Variants in STAG1 observed in about 807,000 individuals in gnomAD.
The protein encoded by STAG1 is cohesin subunit SA-1.
Under a neutral mutation model 170.9 loss-of-function variants are expected in STAG1, and 26 were observed. The ratio of observed to expected loss-of-function variants is 0.15; its 90% CI spans 0.11 to 0.21. The LOEUF is 0.21. STAG1 is among the 10% of genes least tolerant of loss of function. The pLI is 1.00. For synonymous variants in STAG1, 514 were observed against 497.7 expected (o/e 1.03, Z -0.44); for missense variants, 964 against 1,509.5 (o/e 0.64, Z 5.99).
At chr3:136,462,168 T>C (rs1205942526) in intron 13 of STAG1, among the ~76,000 whole-genome samples, 1 of 152,076 alleles carries the variant, frequency 6.6e-6, no homozygotes, top group Non-Finnish European at 1.5e-5. Context: ...ATATCTACCA[T>C]ATGATCAAGC....
chr3:136,685,004 G>C (rs1942465217), intron 1 of STAG1, among the ~76,000 whole-genome samples: 1 of 151,982 alleles, frequency 6.6e-6, no homozygotes, highest in African/African-American at 2.4e-5. Flanking sequence ...TAATCAAAAA[G>C]TTGGACTTCG....
chr3:136,427,060 TAAAAAAA>T (rs1053830833), intron 16 of STAG1, among the ~76,000 whole-genome samples: 22 of 119,920 alleles, frequency 1.8e-4, no homozygotes, highest in African/African-American at 6.0e-4. Context: ...ACTCGTCTCT[TAAAAAAA>T]AAAAAAAAAA....
chr3:136,606,986 G>A (rs903672822), intron 3 of STAG1, among the ~76,000 whole-genome samples: 6 of 151,904 alleles, frequency 3.9e-5, no homozygotes, highest in Non-Finnish European at 5.9e-5. Flanking sequence ...TCCTGACCTC[G>A]TGATCCGCCC....
At chr3:136,356,355 CTATT>C (rs1041377268) in intron 28 of STAG1, among the ~76,000 whole-genome samples, 20 of 152,184 alleles carry the variant, frequency 1.3e-4, no homozygotes, top group African/African-American at 4.8e-4. Flanking sequence ...CTCCAAAATT[CTATT>C]TATTTAGAAT....
intron 5 of STAG1, among the ~76,000 whole-genome samples, chr3:136,544,925 T>C (rs1347546601): frequency 6.6e-6 from 1 of 152,216 alleles, no homozygotes; most frequent in Admixed American, 6.5e-5. Context: ...ATAAATCATT[T>C]TAAAGCTCTT....
At chr3:136,500,317 T>G (rs202105459) in intron 8 of STAG1, 21 bp from the exon 9 acceptor site, 4 of 1,477,910 alleles carry the variant, frequency 2.7e-6, no homozygotes, top group East Asian at 4.6e-5. Context: ...AAAATATATA[T>G]AAGTTGAAAT....
intron 3 of STAG1, among the ~76,000 whole-genome samples, chr3:136,617,087 C>G (rs1939636210): frequency 6.6e-6 from 1 of 152,150 alleles, no homozygotes; most frequent in Non-Finnish European, 1.5e-5. Context: ...GCAAAACTTA[C>G]TTGCAAAACA....
At chr3:136,466,415 C>A (rs1013465455) in intron 12 of STAG1, among the ~76,000 whole-genome samples, 1 of 151,864 alleles carries the variant, frequency 6.6e-6, no homozygotes, top group African/African-American at 2.4e-5. Context: ...GACTGAAGAT[C>A]AAATGAATGA....
intron 6 of STAG1, among the ~76,000 whole-genome samples, chr3:136,537,210 G>T (rs145360210): frequency 5.9e-5 from 9 of 152,226 alleles, no homozygotes; most frequent in East Asian, 1.9e-4. Context: ...GTGGTGTATT[G>T]TAAGAAAATA....
At chr3:136,421,670 A>T (rs981852625) in intron 19 of STAG1, among the ~76,000 whole-genome samples, 2 of 152,100 alleles carry the variant, frequency 1.3e-5, no homozygotes, top group African/African-American at 4.8e-5. Context: ...AAGTCACAGA[A>T]ATAATTAGAA....
intron 28 of STAG1, among the ~76,000 whole-genome samples, chr3:136,355,046 T>C (rs903875017): frequency 3.3e-5 from 5 of 151,966 alleles, no homozygotes; most frequent in African/African-American, 1.2e-4. Context: ...GTCAGGAAGA[T>C]GTAACAATTA....
intron 4 of STAG1, among the ~76,000 whole-genome samples, chr3:136,587,541 CAAAA>C (rs747339467): frequency 4.9e-5 from 3 of 60,784 alleles, no homozygotes; most frequent in Admixed American, 1.9e-4. Context: ...AACTCCATCT[CAAAA>C]AAAAAAAAAA....
At chr3:136,403,070 A>G (rs529460511) in intron 21 of STAG1, among the ~76,000 whole-genome samples, 3 of 151,988 alleles carry the variant, frequency 2.0e-5, no homozygotes, top group African/African-American at 7.2e-5. Context: ...TCTACTAAAA[A>G]TACAAAAATT....
At chr3:136,600,698 ATTTT>A (rs936761517) in intron 4 of STAG1, among the ~76,000 whole-genome samples, 1 of 149,776 alleles carries the variant, frequency 6.7e-6, no homozygotes, top group African/African-American at 2.4e-5. Flanking sequence ...TGCCCAGCTA[ATTTT>A]TTTTTTATTT....
intron 16 of STAG1, 147 bp downstream of exon 16, chr3:136,433,409 T>C: frequency 3.1e-6 from 2 of 644,262 alleles, no homozygotes; most frequent in African/African-American, 1.9e-5. Context: ...GTATAGCATA[T>C]AGGATATAAA....
intron 29 of STAG1, among the ~76,000 whole-genome samples, chr3:136,344,622 C>CT (rs1448124711): frequency 6.6e-6 from 1 of 151,882 alleles, no homozygotes; most frequent in Non-Finnish European, 1.5e-5. Flanking sequence ...TTTGTTTAAA[C>CT]TTTTTTTTCA....
chr3:136,693,328 T>C (rs1440689160), intron 1 of STAG1, among the ~76,000 whole-genome samples: 1 of 152,208 alleles, frequency 6.6e-6, no homozygotes, highest in African/African-American at 2.4e-5. Context: ...GTTGCTCCTG[T>C]GTCTACAAGA....
At chr3:136,712,698 A>G (rs551630191) in intron 1 of STAG1, among the ~76,000 whole-genome samples, 1 of 152,352 alleles carries the variant, frequency 6.6e-6, no homozygotes, top group Admixed American at 6.5e-5. Flanking sequence ...ACCACTCTGG[A>G]AAACAATTTG....
chr3:136,736,351 T>C lies in STAG1; in HGVS notation c.-84+15844A>G, dbSNP rs2107945537. ...TCAATGCACAAAAGAATTACTCTGA[T>C]CGATATTAAATTGTATTGAAAAAAT... On this transcript the variant is annotated intron_variant, in intron 1 of 33. Coordinates refer to ENST00000383202, the MANE Select transcript of STAG1 (RefSeq NM_005862.3). 2.0e-5 allele frequency: 14 copies of C among 688,496 alleles called. No homozygotes were observed. In the South Asian group the frequency reaches 2.3e-4, roughly 11 times the overall value. 42.6% of individuals were successfully genotyped at this position (688,496 alleles called of 1,614,324 possible). A position where few individuals can be genotyped will look rare whatever the true frequency, so the allele number is the denominator to read the frequency against.
Sources: gnomAD v4.1 joint callset for allele counts (sites outside exome capture counted in the v4.1 genomes callset) on GRCh38, gnomAD v4.1.1 for gene constraint, MANE v1.5 for transcripts, NCBI Gene and HGNC (gene_info 2026-07-23, HGNC 2026-07-21) for gene names.